The following FER1L5 variants were observed in gnomAD, a reference collection of about 807,000 sequenced individuals.
FER1L5 encodes the protein fer-1 like family member 5, also known as fer-1-like protein 5.
In FER1L5, 187 loss-of-function variants were observed where a neutral mutation model predicts 279.9. That is an observed-to-expected ratio of 0.67 (90% CI 0.59 to 0.75). FER1L5 has a LOEUF of 0.75. Among genes scored for constraint, FER1L5 ranks in the 30% least tolerant of loss-of-function variants. The pLI, the probability that FER1L5 is intolerant of heterozygous loss-of-function variation, is 0.00. For missense variants in FER1L5, 2,091 were observed against 2,594.4 expected, an observed-to-expected ratio of 0.81 and a Z score of 4.21; for synonymous variants, 921 against 989.7, an observed-to-expected ratio of 0.93 and a Z score of 1.30.
intron 51 of FER1L5, among the ~76,000 whole-genome samples, 177 bp downstream of exon 51, chr2:96,703,809 CTTT>C (rs35497973): frequency 1.3e-4 from 12 of 89,458 alleles, no homozygotes; most frequent in African/African-American, 1.7e-4. Context: ...CAAAAGTTGC[CTTT>C]TTTTTTTTTT....
In FER1L5 at chr2:96,704,871, A is replaced by C; in HGVS notation, c.*179A>C. ...GCTGTAATTTTCCACTGAAATAAAC[A>C]AGTTCTATAACAGAGAGCCATCTTG... On this transcript the variant is annotated 3_prime_UTR_variant, in exon 53 of 53. Transcript: ENST00000624922. The C allele has an allele frequency of 6.5e-6, 4 of 614,564 alleles. No individual in the cohort carries two copies. The allele number at this position is 614,564 out of a possible 1,614,324, so 38.1% of individuals were successfully genotyped here. A position where few individuals can be genotyped will look rare whatever the true frequency, so the allele number is the denominator to read the frequency against.
intron 8 of FER1L5, chr2:96,653,959 A>G: frequency 2.0e-6 from 1 of 497,326 alleles, no homozygotes; most frequent in Non-Finnish European, 3.6e-6. Flanking sequence ...CCCATGTGCC[A>G]GGATTTTCAA....
In FER1L5 at chr2:96,691,955, C is replaced by A. The variant is rs1192615443; in HGVS notation, c.3206C>A (p.Thr1069Asn). The stretch of plus-strand genomic sequence containing the variant: ...CCCAACTTGCCCTTCATCTACTGCA[C>A]CTTCAATAGTAAGCACTGACTTGGG... ...RPPNLPFIYCTFNKPHYYQLF... is the reference protein window; with the variant it reads ...RPPNLPFIYCNFNKPHYYQLF... Residue 1069 changes from threonine (T) to asparagine (N), a missense_variant, in exon 30 of 53, where the codon ACC becomes AAC. Transcript: ENST00000624922. This position sits in a 1 kb window ranked among gnomAD's most constrained non-coding sequence, Gnocchi z 6.0. 1 of 1,548,252 alleles carries A rather than the reference C, an allele frequency of 6.5e-7. No homozygotes were observed. Among genetic ancestry groups the A allele is most frequent in the Admixed American group, 2.0e-5 (1 of 50,580 alleles).
At position 96,668,780 on chromosome 2, in the gene FER1L5, C is replaced by T. The variant is rs2076218653; in HGVS notation, c.1170C>T (p.Phe390=). ...QLPCLSSYIK[F]RVLDCRKKDC... is the part of the protein sequence containing the mutation. ...CCTGCCTCTCCAGCTACATCAAGTT[C>T]AGAGTCTTGGACTGGTGAGCAACCT... The change falls in exon 15 of 53, where the codon TTC becomes TTT. Residue 390 remains phenylalanine, a synonymous_variant. Transcript: ENST00000624922. 2 of 1,551,590 alleles carry T rather than the reference C, an allele frequency of 1.3e-6. No homozygotes were observed. Among genetic ancestry groups the T allele is most frequent in the African/African-American group, 1.4e-5 (1 of 73,048 alleles).
chr2:96,671,689 G>C (rs572261097), intron 18 of FER1L5, among the ~76,000 whole-genome samples: 3 of 152,220 alleles, frequency 2.0e-5, no homozygotes, highest in Non-Finnish European at 2.9e-5. Context: ...TGAAAGGAGA[G>C]GGAAGCTATG....
At chr2:96,703,664 T>A (rs1261324451) in intron 51 of FER1L5, 32 bp downstream of exon 51, 1 of 1,603,518 alleles carries the variant, frequency 6.2e-7, no homozygotes, top group Non-Finnish European at 8.5e-7. Flanking sequence ...GCACCAGATC[T>A]TTCTTGCTCC....
rs971133362 is a variant in FER1L5 at position 96,694,520 on chromosome 2, T to G, written c.3741+56T>G. The stretch of plus-strand genomic sequence containing the variant: ...CAGGACAGGCGGGGGTGGTCTGGAG[T>G]GCGCTGCAGCCTTCTGCTGGTCCTC... On this transcript the variant is annotated intron_variant, in intron 34 of 52. Transcript: ENST00000624922. The surrounding 1 kb of genome is among the most constrained non-coding windows in gnomAD (Gnocchi z 4.6). 146 of 1,364,550 alleles carry G rather than the reference T, an allele frequency of 1.1e-4. No homozygotes were observed. The highest frequency in any genetic ancestry group is 1.4e-4 in the Non-Finnish European group (142 of 1,016,604). 84.5% of individuals were successfully genotyped at this position (1,364,550 alleles called of 1,614,324 possible). A position where few individuals can be genotyped will look rare whatever the true frequency, so the allele number is the denominator to read the frequency against.
chr2:96,671,267 G>T (rs747171087), intron 18 of FER1L5, among the ~76,000 whole-genome samples: 11 of 152,152 alleles, frequency 7.2e-5, no homozygotes, highest in Non-Finnish European at 1.3e-4. Context: ...AGGGGCAGGA[G>T]GAGCAGTAGC....
At chr2:96,697,455 C>CAAA in intron 37 of FER1L5, 71 bp from the exon 38 acceptor site, 1 of 1,553,728 alleles carries the variant, frequency 6.4e-7, no homozygotes, top group East Asian at 2.3e-5. Context: ...GCCTCAACCC[C>CAAA]CCTCTCCTCT....
Position 96,693,642 on chromosome 2 carries a change from G to C in FER1L5, c.3429G>C (p.Glu1143Asp), listed in dbSNP as rs1253704332. Residue 1143 changes from glutamate to aspartate, a missense_variant, in exon 32 of 53, where the codon GAG (glutamate) becomes GAC (aspartate). Coordinates refer to ENST00000624922, the MANE Select transcript of FER1L5 (RefSeq NM_001293083.2). ...LLYENPQDTK[E>D]SPPLVVLELW... is the part of the protein sequence containing the mutation. ...ACGAGAACCCACAGGACACCAAAGA[G>C]AGCCCACCGCTTGTGGTGCTGGAGC... The C allele has an allele frequency of 1.9e-6, 3 of 1,551,730 alleles. No homozygotes were observed. The highest frequency in any genetic ancestry group is 2.7e-5 in the African/African-American group (2 of 73,170).
At position 96,660,465 on chromosome 2, in the gene FER1L5, G is replaced by T; in HGVS notation, c.778+94G>T. The T allele has an allele frequency of 2.8e-6, 3 of 1,054,172 alleles. No homozygotes were observed. In the Admixed American group the frequency reaches 6.1e-5, roughly 21 times the overall value. The allele number at this position is 1,054,172 out of a possible 1,614,324, so 65.3% of individuals were successfully genotyped here. A position where few individuals can be genotyped will look rare whatever the true frequency, so the allele number is the denominator to read the frequency against. ...AAATCCCCATATGTCCAACACATGGGTGGAGGGGAGTATTAGAGATTGTAA... is the reference window on the plus strand; with the variant it reads ...AAATCCCCATATGTCCAACACATGGTTGGAGGGGAGTATTAGAGATTGTAA... On this transcript the variant is annotated intron_variant, in intron 10 of 52. Coordinates refer to ENST00000624922, the MANE Select transcript of FER1L5 (RefSeq NM_001293083.2).
At chr2:96,701,786 G>C (rs1480157433) in intron 45 of FER1L5, among the ~76,000 whole-genome samples, 169 bp from the exon 46 acceptor site, 1 of 152,202 alleles carries the variant, frequency 6.6e-6, no homozygotes, top group African/African-American at 2.4e-5. Context: ...AAGAAAGGGG[G>C]AAGCTGGTGC....
intron 19 of FER1L5, among the ~76,000 whole-genome samples, chr2:96,682,048 A>G (rs144887813): frequency 6.6e-6 from 1 of 150,654 alleles, no homozygotes; most frequent in African/African-American, 2.4e-5. Flanking sequence ...GGCCTCCCAA[A>G]ATGCTGGGAT....
chr2:96,656,007 C>T (rs773159543), intron 9 of FER1L5, among the ~76,000 whole-genome samples: 24 of 152,146 alleles, frequency 1.6e-4, no homozygotes, highest in Admixed American at 6.6e-5. Context: ...TCCACCACAC[C>T]CAGCCGAGCT....
intron 26 of FER1L5, among the ~76,000 whole-genome samples, chr2:96,690,023 C>T (rs1004628148): frequency 1.3e-5 from 2 of 152,154 alleles, no homozygotes; most frequent in Non-Finnish European, 2.9e-5. Context: ...GTGCTGCTTA[C>T]CCCGAAGGAG....
chr2:96,659,338 C>CTTCCTTCCTTCCTTCCTTCTTTCT (rs1558853144), intron 9 of FER1L5, among the ~76,000 whole-genome samples: 2 of 81,260 alleles, frequency 2.5e-5, no homozygotes, highest in East Asian at 8.3e-4. Context: ...TCCTTCCTTC[C>CTTCCTTCCTTCCTTCCTTCTTTCT]TTCCTTCCTT....
intron 7 of FER1L5, 84 bp from the exon 8 acceptor site, chr2:96,653,556 T>A: frequency 9.5e-7 from 1 of 1,052,526 alleles, no homozygotes; most frequent in East Asian, 2.6e-5. Context: ...AGAAGCACAT[T>A]ATTCTGAGCT....
At chr2:96,670,694 G>A (rs983273670) in intron 18 of FER1L5, among the ~76,000 whole-genome samples, 1 of 152,084 alleles carries the variant, frequency 6.6e-6, no homozygotes, top group Non-Finnish European at 1.5e-5. Flanking sequence ...GCTGAGGCAG[G>A]AGAATCACTT....
intron 23 of FER1L5, 139 bp downstream of exon 23, chr2:96,686,489 A>T: frequency 1.0e-6 from 1 of 956,178 alleles, no homozygotes; most frequent in Non-Finnish European, 1.5e-6. Flanking sequence ...AACAGTCCCC[A>T]GAGGAAGAGA....
Sources: gnomAD v4.1 joint callset for allele counts (sites outside exome capture counted in the v4.1 genomes callset) on GRCh38, gnomAD v4.1.1 for gene constraint, Gnocchi (gnomAD v3.1) non-coding constraint, MANE v1.5 for transcripts, NCBI Gene and HGNC (gene_info 2026-07-23, HGNC 2026-07-21) for gene names.